The following PPHLN1 variants were observed in gnomAD, a reference collection of about 807,000 sequenced individuals.
The protein encoded by PPHLN1 is periphilin-1.
In PPHLN1, 29 loss-of-function variants were observed where a neutral mutation model predicts 51.3. That is an observed-to-expected ratio of 0.57 (90% CI 0.42 to 0.77). The LOEUF (loss-of-function observed/expected upper bound fraction) is 0.77, where lower values mean the gene tolerates loss of function less well. Ranked by LOEUF, PPHLN1 falls within the 30% of genes least tolerant of loss-of-function variation. The pLI is 0.00. For missense variants in PPHLN1, 436 were observed against 438.4 expected, an observed-to-expected ratio of 0.99 and a Z score of 0.05; for synonymous variants, 147 against 147.8, an observed-to-expected ratio of 0.99 and a Z score of 0.04.
At chr12:42,389,299 G>A (rs1269661446) in intron 7 of PPHLN1, among the ~76,000 whole-genome samples, 1 of 152,148 alleles carries the variant, frequency 6.6e-6, no homozygotes, top group Non-Finnish European at 1.5e-5. Flanking sequence ...CTTGAACTTA[G>A]GAGGCGGAAC....
At chr12:42,400,574 C>G (rs1555209024) in intron 9 of PPHLN1, 3 of 152,108 alleles carry the variant, frequency 2.0e-5, no homozygotes, top group Non-Finnish European at 4.4e-5. Flanking sequence ...AATCTCACAG[C>G]CTGTTGCTCA....
intron 5 of PPHLN1, among the ~76,000 whole-genome samples, chr12:42,380,236 T>G (rs985839818): frequency 6.6e-6 from 1 of 152,130 alleles, no homozygotes; most frequent in Admixed American, 6.5e-5. Flanking sequence ...ATTTAGGTTC[T>G]GTGACATTTT....
At chr12:42,332,592 A>G (rs1592159134) in intron 1 of PPHLN1, 5 of 1,030,984 alleles carry the variant, frequency 4.8e-6, no homozygotes, top group Non-Finnish European at 7.5e-6. Flanking sequence ...TGAAGATTTA[A>G]TTATTTCTCT....
At chr12:42,370,163 A>G (rs1236064944) in intron 4 of PPHLN1, among the ~76,000 whole-genome samples, 1 of 152,216 alleles carries the variant, frequency 6.6e-6, no homozygotes, top group African/African-American at 2.4e-5. Flanking sequence ...TTTCGTGTGC[A>G]TAGGAATCAC....
At chr12:42,351,773 A>G (rs913242178) in intron 2 of PPHLN1, 112 bp from the exon 3 acceptor site, 7 of 738,688 alleles carry the variant, frequency 9.5e-6, no homozygotes, top group Non-Finnish European at 1.4e-5. Context: ...GCTTTTGTTT[A>G]TACATTTAGC....
intron 7 of PPHLN1, among the ~76,000 whole-genome samples, chr12:42,390,906 TCCTTCCACCTTGG>T (rs534394114): frequency 3.5e-4 from 53 of 151,068 alleles, no homozygotes; most frequent in African/African-American, 1.3e-3. Flanking sequence ...TCTCAAATGA[TCCTTCCACCTTGG>T]CCTCCTAAAG....
chr12:42,363,102 T>C (rs151310566), intron 4 of PPHLN1, among the ~76,000 whole-genome samples: 112 of 152,314 alleles, frequency 7.4e-4, no homozygotes, highest in African/African-American at 2.6e-3. Flanking sequence ...CTTGTGTTGC[T>C]ATGCTATGAG....
At chr12:42,399,108 A>G (rs1420459049) in intron 9 of PPHLN1, 114 bp downstream of exon 9, 9 of 1,460,816 alleles carry the variant, frequency 6.2e-6, no homozygotes, top group Non-Finnish European at 7.2e-6. Flanking sequence ...CTCTAAAACT[A>G]CAACTTAAAA....
At chr12:42,365,872 A>C (rs1381868203) in intron 4 of PPHLN1, among the ~76,000 whole-genome samples, 1 of 152,104 alleles carries the variant, frequency 6.6e-6, no homozygotes, top group Admixed American at 6.5e-5. Context: ...ATATTTCTTC[A>C]AAGGCCCTTT....
At chr12:42,329,027 AT>A (rs1282205418) in intron 1 of PPHLN1, among the ~76,000 whole-genome samples, 1,731 of 147,860 alleles carry the variant, frequency 0.012, 36 homozygotes, top group African/African-American at 0.04. Flanking sequence ...GCATCAGTTA[AT>A]TTTTTTTTTT....
intron 9 of PPHLN1, among the ~76,000 whole-genome samples, chr12:42,426,902 G>C (rs1465215126): frequency 6.6e-6 from 1 of 152,132 alleles, no homozygotes; most frequent in South Asian, 2.1e-4. Context: ...GATGAGCTGG[G>C]AAGGAAGTGG....
chr12:42,422,435 A>T (rs1054799534), intron 9 of PPHLN1, among the ~76,000 whole-genome samples: 3 of 152,188 alleles, frequency 2.0e-5, no homozygotes, highest in Non-Finnish European at 2.9e-5. Context: ...TAAAGGGGAA[A>T]TGACAGCGTA....
At chr12:42,390,475 A>G (rs978348807) in intron 7 of PPHLN1, among the ~76,000 whole-genome samples, 4 of 152,274 alleles carry the variant, frequency 2.6e-5, no homozygotes, top group Admixed American at 2.0e-4. Context: ...CTATCTGAAT[A>G]TAAGTTACAA....
chr12:42,391,371 TG>T (rs1310752884), intron 7 of PPHLN1, among the ~76,000 whole-genome samples: 2 of 152,240 alleles, frequency 1.3e-5, no homozygotes, highest in East Asian at 3.9e-4. Context: ...CCCAAGTAGC[TG>T]GGATTACAGG....
chr12:42,405,933 A>AT (rs1173118606), intron 9 of PPHLN1, among the ~76,000 whole-genome samples: 6 of 152,000 alleles, frequency 3.9e-5, no homozygotes, highest in Admixed American at 1.3e-4. Context: ...AATCTGAGTG[A>AT]TTTTTTCTAC....
At chr12:42,360,110 C>CAAAAAAAAAAAAAAAAAAAAAAAAAAAAA (rs10643805) in intron 4 of PPHLN1, among the ~76,000 whole-genome samples, 26 of 123,056 alleles carry the variant, frequency 2.1e-4, no homozygotes, top group East Asian at 1.1e-3. Flanking sequence ...GACTCCATCT[C>CAAAAAAAAAAAAAAAAAAAAAAAAAAAAA]AAAAAAAAAA....
intron 9 of PPHLN1, among the ~76,000 whole-genome samples, chr12:42,409,044 T>A (rs1351653033): frequency 6.6e-6 from 1 of 152,160 alleles, no homozygotes; most frequent in Non-Finnish European, 1.5e-5. Flanking sequence ...TAAAATAAAA[T>A]AGAAGTATTA....
Position 42,440,697 on chromosome 12 carries a change from C to A in PPHLN1, c.910-618C>A, listed in dbSNP as rs1374427778. On this transcript the variant is annotated intron_variant, in intron 9 of 9. Transcript: ENST00000358314. ...TTTCCCAGTTTCTAGAGGCCGCCAC[C>A]TTCCCAAGTAGCTGGGGTTACAGAC... Among the ~76,000 whole-genome samples, 5 of 152,234 alleles carry A rather than the reference C, an allele frequency of 3.3e-5. No homozygotes were observed. In the East Asian group the frequency reaches 7.7e-4, roughly 23 times the overall value.
intron 2 of PPHLN1, among the ~76,000 whole-genome samples, chr12:42,341,464 G>C (rs1160828254): frequency 6.6e-6 from 1 of 152,050 alleles, no homozygotes; most frequent in Non-Finnish European, 1.5e-5. Flanking sequence ...TGAGTTTCTA[G>C]CCTTGATAAA....
Sources: gnomAD v4.1 joint callset for allele counts (sites outside exome capture counted in the v4.1 genomes callset) on GRCh38, gnomAD v4.1.1 for gene constraint, MANE v1.5 for transcripts, NCBI Gene and HGNC (gene_info 2026-07-23, HGNC 2026-07-21) for gene names.